Variants in BPNT1 observed in about 807,000 individuals in gnomAD.
BPNT1 encodes the protein 3'(2'),5'-bisphosphate nucleotidase 1.
BPNT1 carries 28 observed loss-of-function variants against 36.9 expected under a neutral mutation model. The observed-to-expected ratio is 0.76, with a 90% CI of 0.56 to 1.04. BPNT1 has a LOEUF of 1.04. Among genes scored for constraint, BPNT1 ranks in the 50% least tolerant of loss-of-function variants. BPNT1 has a pLI of 0.00. For missense variants in BPNT1, 313 were observed against 372.9 expected (o/e 0.84, Z 1.32); for synonymous variants, 119 against 130.9 (o/e 0.91, Z 0.62).
chr1:220,066,046 A>T, intron 6 of BPNT1: 1 of 1,506,866 alleles, frequency 6.6e-7, no homozygotes, highest in Non-Finnish European at 8.9e-7. Context: ...CTACTAGTGG[A>T]GCCAAAACCC....
chr1:220,076,083 TA>T (rs1664517865), intron 2 of BPNT1, among the ~76,000 whole-genome samples: 1 of 152,102 alleles, frequency 6.6e-6, no homozygotes, highest in South Asian at 2.1e-4. Context: ...AAAATGAGAT[TA>T]GGGGCTGGGC....
intron 1 of BPNT1, among the ~76,000 whole-genome samples, chr1:220,082,061 A>G (rs950406477): frequency 1.2e-3 from 137 of 115,186 alleles, no homozygotes; most frequent in African/African-American, 4.4e-3. Context: ...TGTTCCAAGG[A>G]CAATATATAT....
chr1:220,067,470 G>A (rs1202527522), intron 5 of BPNT1, 77 bp from the exon 6 acceptor site: 1 of 993,384 alleles, frequency 1.0e-6, no homozygotes, highest in African/African-American at 1.7e-5. Flanking sequence ...ATTGCTCCAA[G>A]TTAGTTTTGC....
Position 220,072,939 on chromosome 1 carries a change from C to G in BPNT1, c.244G>C (p.Val82Leu), listed in dbSNP as rs777506639. The G allele has an allele frequency of 6.2e-7, 1 of 1,614,080 alleles. No homozygotes were observed. The highest frequency in any genetic ancestry group is 1.1e-5 in the South Asian group (1 of 91,082). The change falls in exon 4 of 9, where the codon GTG (valine) becomes CTG (leucine). Residue 82 changes from valine (V) to leucine (L), a missense_variant. By Grantham distance (32) the Val-to-Leu change is conservative. Transcript: ENST00000322067. ...IGEEDLPSEE[V>L]DQELIEDSQW... ...CTGTCTTCAATCAGCTCTTGATCCA[C>G]TTCCTCAGAAGGCAGATCCTAAAGC...
At chr1:220,074,263 A>C (rs533931190) in intron 2 of BPNT1, among the ~76,000 whole-genome samples, 192 bp from the exon 3 acceptor site, 1 of 152,356 alleles carries the variant, frequency 6.6e-6, no homozygotes, top group South Asian at 2.1e-4. Context: ...AAGTTTGGAA[A>C]GGAGCTTTTA....
Position 220,057,587 on chromosome 1 carries a change from C to T in BPNT1, c.*1257G>A, listed in dbSNP as rs1273782263. 9.9e-6 allele frequency: 2 copies of T among 202,992 alleles called. No homozygotes were observed. The highest frequency in any genetic ancestry group is 2.7e-4 in the East Asian group (2 of 7,386). The allele number at this position is 202,992 out of a possible 1,614,324, so 12.6% of individuals were successfully genotyped here. A position where few individuals can be genotyped will look rare whatever the true frequency, so the allele number is the denominator to read the frequency against. ...ATTTTAATAGTTTATGTTATAATCT[C>T]TCATTGGAAGGAATAGAAGCAAGTA... is the stretch of plus-strand genomic sequence containing the variant. On this transcript the variant is annotated 3_prime_UTR_variant, in exon 9 of 9. Coordinates refer to ENST00000322067, the MANE Select transcript of BPNT1 (RefSeq NM_006085.6).
chr1:220,071,007 C>T (rs905311379), intron 4 of BPNT1, among the ~76,000 whole-genome samples: 2 of 151,340 alleles, frequency 1.3e-5, no homozygotes, highest in African/African-American at 2.4e-5. Flanking sequence ...CGTGGTGGCA[C>T]ATGCCTGTAA....
intron 5 of BPNT1, 85 bp downstream of exon 5, chr1:220,069,299 C>A (rs1571753080): frequency 9.1e-7 from 1 of 1,097,374 alleles, no homozygotes; most frequent in East Asian, 2.6e-5. Context: ...GCTTTCCATA[C>A]AACATACAAA....
At chr1:220,089,345 G>A (rs1217052091) in intron 1 of BPNT1, among the ~76,000 whole-genome samples, 1 of 152,036 alleles carries the variant, frequency 6.6e-6, no homozygotes, top group African/African-American at 2.4e-5. Flanking sequence ...AATAAATCAC[G>A]CAAACCTATA....
chr1:220,083,238 A>AC (rs140293178), intron 1 of BPNT1, among the ~76,000 whole-genome samples: 19,257 of 147,704 alleles, frequency 0.13, 1,340 homozygotes, highest in Middle Eastern at 0.19. Flanking sequence ...CTCCATCTCA[A>AC]AAAAAAAAAA....
chr1:220,084,345 A>C (rs983861116), intron 1 of BPNT1, among the ~76,000 whole-genome samples: 3 of 151,954 alleles, frequency 2.0e-5, no homozygotes, highest in African/African-American at 7.2e-5. Flanking sequence ...AAAAAAAAAG[A>C]AAAAGAAAAA....
At chr1:220,067,920 T>C (rs1234715112) in intron 5 of BPNT1, among the ~76,000 whole-genome samples, 3 of 152,142 alleles carry the variant, frequency 2.0e-5, no homozygotes, top group African/African-American at 4.8e-5. Flanking sequence ...TAAATAAGCT[T>C]TCTAGGTGCT....
At chr1:220,067,744 A>G (rs1323309761) in intron 5 of BPNT1, among the ~76,000 whole-genome samples, 1 of 152,204 alleles carries the variant, frequency 6.6e-6, no homozygotes, top group East Asian at 1.9e-4. Flanking sequence ...TTCCTGGATT[A>G]CACTCTAGAC....
At chr1:220,083,407 C>T (rs542387953) in intron 1 of BPNT1, among the ~76,000 whole-genome samples, 2 of 151,808 alleles carry the variant, frequency 1.3e-5, no homozygotes, top group South Asian at 4.2e-4. Context: ...CTCCGTCTCC[C>T]GGGTTCACAC....
chr1:220,058,999 A>G lies in BPNT1; in HGVS notation c.779-7T>C, dbSNP rs1662764808. ...TGGATATCGGTTAACTTGCCTATAG[A>G]AAAACATCAATCAATCAATCAAGTT... On this transcript the variant is annotated splice_region_variant and splice_polypyrimidine_tract_variant and intron_variant, in intron 8 of 8. Transcript: ENST00000322067. The G allele has an allele frequency of 1.2e-6, 2 of 1,612,850 alleles. No individual in the cohort carries two copies. The highest frequency in any genetic ancestry group is 2.2e-5 in the South Asian group (2 of 90,930).
At chr1:220,078,433 A>C (rs1375036160) in intron 2 of BPNT1, among the ~76,000 whole-genome samples, 1 of 141,418 alleles carries the variant, frequency 7.1e-6, no homozygotes, top group Non-Finnish European at 1.5e-5. Context: ...AATAATAATT[A>C]TATATAATAA....
intron 8 of BPNT1, 96 bp from the exon 9 acceptor site, chr1:220,059,088 A>T: frequency 8.2e-7 from 1 of 1,213,970 alleles, no homozygotes; most frequent in South Asian, 1.4e-5. Context: ...CTTATCCAAT[A>T]GTAGCCAATA....
intron 2 of BPNT1, among the ~76,000 whole-genome samples, chr1:220,075,830 G>A (rs969082653): frequency 6.6e-6 from 1 of 152,086 alleles, no homozygotes; most frequent in African/African-American, 2.4e-5. Context: ...AGAAGACAAT[G>A]AGAATGTTAC....
At chr1:220,089,303 T>C (rs926322171) in intron 1 of BPNT1, among the ~76,000 whole-genome samples, 1 of 152,164 alleles carries the variant, frequency 6.6e-6, no homozygotes, top group African/African-American at 2.4e-5. Context: ...ACGTATCTTT[T>C]GAACCAACAA....
Sources: gnomAD v4.1 joint callset for allele counts (sites outside exome capture counted in the v4.1 genomes callset) on GRCh38, gnomAD v4.1.1 for gene constraint, MANE v1.5 for transcripts, NCBI Gene and HGNC (gene_info 2026-07-23, HGNC 2026-07-21) for gene names.